Variants in DNAJC13 observed in about 807,000 individuals in gnomAD.
DNAJC13 encodes dnaJ homolog subfamily C member 13.
In DNAJC13, 75 loss-of-function variants were observed where a neutral mutation model predicts 290.5. The observed-to-expected ratio is 0.26, with a 90% CI of 0.21 to 0.31. The LOEUF (loss-of-function observed/expected upper bound fraction) is 0.31. DNAJC13 is among the 10% of genes least tolerant of loss of function. The pLI is 1.00. For missense variants in DNAJC13, 2,260 were observed against 2,674.5 expected (o/e 0.85, Z 3.42); for synonymous variants, 862 against 892.0 (o/e 0.97, Z 0.60).
At chr3:132,441,750 A>G (rs1029977548) in intron 2 of DNAJC13, among the ~76,000 whole-genome samples, 2 of 152,192 alleles carry the variant, frequency 1.3e-5, no homozygotes, top group African/African-American at 2.4e-5. Flanking sequence ...TGTTGACACT[A>G]TTTTACATGC....
Position 132,522,975 on chromosome 3 carries a change from A to G in DNAJC13, c.5821A>G (p.Thr1941Ala). The part of the protein sequence containing the change: ...NDNSRDKVST[T>A]VREMMLEHFK... ...TAATTCCAGAGATAAAGTGTCCACA[A>G]CAGTTAGGGAAATGATGCTAGAGTA... The change falls in exon 49 of 56, where the codon ACA (threonine) becomes GCA (alanine). Residue 1941 changes from threonine to alanine, a missense_variant. Coordinates refer to ENST00000260818, the MANE Select transcript of DNAJC13 (RefSeq NM_015268.4). The G allele has an allele frequency of 6.2e-7, 1 of 1,610,528 alleles. No individual in the cohort carries two copies. Among genetic ancestry groups the G allele is most frequent in the East Asian group, 2.2e-5 (1 of 44,792 alleles).
At chr3:132,466,102 G>GC in intron 18 of DNAJC13, 32 bp downstream of exon 18, 1 of 1,559,140 alleles carries the variant, frequency 6.4e-7, no homozygotes, top group Admixed American at 1.7e-5. Context: ...GTTATATACT[G>GC]CCTAATAAAA....
chr3:132,535,086 A>C (rs1936548665), intron 55 of DNAJC13, among the ~76,000 whole-genome samples: 1 of 152,246 alleles, frequency 6.6e-6, no homozygotes. Context: ...GTGACAACAC[A>C]CATCACCAAC....
chr3:132,456,568 A>C lies in DNAJC13; in HGVS notation c.1167A>C (p.Ala389=). ...ANISYSGVLH[A]VTQDGLFSEN... is the part of the protein sequence containing the mutation. ...TTTCATACAGTGGAGTCCTACATGC[A>C]GTAACACAAGATGTAAGCTAAGTTT... Residue 389 remains alanine, a synonymous_variant, in exon 11 of 56, where the codon GCA becomes GCC. Coordinates refer to ENST00000260818, the MANE Select transcript of DNAJC13 (RefSeq NM_015268.4). 1.2e-6 allele frequency: 2 copies of C among 1,613,948 alleles called. No individual in the cohort carries two copies. The highest frequency in any genetic ancestry group is 1.7e-6 in the Non-Finnish European group (2 of 1,179,884).
intron 6 of DNAJC13, among the ~76,000 whole-genome samples, chr3:132,453,075 G>C (rs1405421031): frequency 6.6e-6 from 1 of 152,184 alleles, no homozygotes; most frequent in Non-Finnish European, 1.5e-5. Context: ...GAAATTTTGA[G>C]ATAATTGCCG....
At chr3:132,442,268 A>T (rs1378317017) in intron 2 of DNAJC13, among the ~76,000 whole-genome samples, 1 of 152,104 alleles carries the variant, frequency 6.6e-6, no homozygotes, top group East Asian at 1.9e-4. Flanking sequence ...ATGTGCTGAG[A>T]TTACAGGCGT....
chr3:132,468,754 C>T (rs1427585259), intron 20 of DNAJC13, among the ~76,000 whole-genome samples: 1 of 152,066 alleles, frequency 6.6e-6, no homozygotes, highest in Admixed American at 6.5e-5. Context: ...ACTGGTATAG[C>T]ATTTGAACAG....
At chr3:132,536,075 T>TAATA (rs1936581080) in intron 55 of DNAJC13, among the ~76,000 whole-genome samples, 1 of 152,190 alleles carries the variant, frequency 6.6e-6, no homozygotes, top group Non-Finnish European at 1.5e-5. Flanking sequence ...ACAGTGCCCT[T>TAATA]AATAGCTCAG....
intron 20 of DNAJC13, 144 bp from the exon 21 acceptor site, chr3:132,473,001 T>C (rs1473537266): frequency 1.6e-6 from 1 of 630,024 alleles, no homozygotes. Context: ...TCATGTTTTA[T>C]AGATTTTATT....
At chr3:132,462,398 GTAACAGC>G in intron 15 of DNAJC13, 62 bp from the exon 16 acceptor site, 1 of 1,454,158 alleles carries the variant, frequency 6.9e-7, no homozygotes, top group Non-Finnish European at 9.5e-7. Context: ...CTTCTTAAGA[GTAACAGC>G]TAAATGTGTT....
At chr3:132,424,048 A>G (rs1453119364) in intron 1 of DNAJC13, among the ~76,000 whole-genome samples, 1 of 152,178 alleles carries the variant, frequency 6.6e-6, no homozygotes. Flanking sequence ...AAGCCAGGTT[A>G]TGCTTCAAAG....
At chr3:132,456,627 A>T (rs751386262) in intron 11 of DNAJC13, 36 bp from the exon 12 acceptor site, 2 of 1,613,004 alleles carry the variant, frequency 1.2e-6, no homozygotes, top group Admixed American at 3.3e-5. Flanking sequence ...AACTTTTGGT[A>T]TGGAAACTTT....
At chr3:132,469,321 C>G (rs545274763) in intron 20 of DNAJC13, among the ~76,000 whole-genome samples, 4 of 152,336 alleles carry the variant, frequency 2.6e-5, no homozygotes, top group African/African-American at 9.6e-5. Context: ...ATTCTTGAAA[C>G]AATCTGCATT....
chr3:132,472,676 T>A (rs1299272856), intron 20 of DNAJC13: 2 of 808,402 alleles, frequency 2.5e-6, no homozygotes, highest in Non-Finnish European at 3.0e-6. Flanking sequence ...TAACTTCACA[T>A]GTGTTTGAAT....
chr3:132,436,197 G>T (rs574532296), intron 2 of DNAJC13, among the ~76,000 whole-genome samples: 1 of 152,090 alleles, frequency 6.6e-6, no homozygotes, highest in East Asian at 1.9e-4. Context: ...TAAACACTGC[G>T]TTACAAATCA....
Position 132,523,179 on chromosome 3 carries a change from A to G in DNAJC13, c.5866A>G (p.Asn1956Asp), listed in dbSNP as rs750101117. The change falls in exon 50 of 56, where the codon AAC (asparagine) becomes GAC (aspartate). Residue 1956 changes from asparagine to aspartate, a missense_variant. Coordinates refer to ENST00000260818, the MANE Select transcript of DNAJC13 (RefSeq NM_015268.4). The part of the protein sequence containing the change: ...MLEHFKNQQD[N>D]PEANWKLPED... ...AAGGCACTTTAAAAATCAGCAGGAC[A>G]ACCCTGAGGCAAACTGGAAGGTAAA... The G allele has an allele frequency of 7.4e-6, 12 of 1,613,970 alleles. No homozygotes were observed. The highest frequency in any genetic ancestry group is 7.6e-6 in the Non-Finnish European group (9 of 1,179,902).
chr3:132,457,118 T>A, intron 12 of DNAJC13, 151 bp from the exon 13 acceptor site: 3 of 692,260 alleles, frequency 4.3e-6, no homozygotes, highest in Non-Finnish European at 7.0e-6. Flanking sequence ...AAGAAAAAAC[T>A]ATTATGAAGA....
intron 15 of DNAJC13, among the ~76,000 whole-genome samples, chr3:132,461,505 A>G (rs889432123): frequency 6.6e-6 from 1 of 152,188 alleles, no homozygotes; most frequent in African/African-American, 2.4e-5. Context: ...ATAAGCATCC[A>G]TGTAGGCTGC....
chr3:132,492,760 T>C, intron 33 of DNAJC13, 145 bp downstream of exon 33: 1 of 662,710 alleles, frequency 1.5e-6, no homozygotes, highest in Non-Finnish European at 2.5e-6. Context: ...TGACTCTGAG[T>C]ATAGTTTATT....
Sources: allele counts gnomAD v4.1 joint callset (sites outside exome capture counted in the v4.1 genomes callset), GRCh38; gene constraint gnomAD v4.1.1; transcripts MANE v1.5; gene names NCBI Gene and HGNC (gene_info 2026-07-23, HGNC 2026-07-21).